PRKCQ: variants seen among roughly 807,000 people sequenced by gnomAD.
PRKCQ encodes protein kinase C theta.
In PRKCQ, 41 loss-of-function variants were observed where a neutral mutation model predicts 91.2. That is an observed-to-expected ratio of 0.45 (90% CI 0.35 to 0.58). The LOEUF is 0.58. Ranked by LOEUF, PRKCQ falls within the 20% of genes least tolerant of loss-of-function variation. The probability of loss-of-function intolerance (pLI) is 0.00; values close to 1 mark genes in which losing one functional copy is unlikely to be tolerated. For missense variants in PRKCQ, 673 were observed against 896.5 expected, an observed-to-expected ratio of 0.75 and a Z score of 3.18; for synonymous variants, 307 against 316.9, an observed-to-expected ratio of 0.97 and a Z score of 0.33.
intron 1 of PRKCQ, among the ~76,000 whole-genome samples, chr10:6,545,927 C>T (rs899305683): frequency 2.6e-5 from 4 of 151,954 alleles, no homozygotes; most frequent in Admixed American, 6.6e-5. Flanking sequence ...TCGCTTGAAC[C>T]CAGGAGGTGG....
chr10:6,556,434 G>GAA (rs919270279), intron 1 of PRKCQ, among the ~76,000 whole-genome samples: 1 of 12,344 alleles, frequency 8.1e-5, no homozygotes, highest in African/African-American at 1.4e-4. Context: ...CCTGTCTTGG[G>GAA]AAAAAAAAAA....
Position 6,526,108 on chromosome 10 carries a change from T to C in PRKCQ, c.-9-10964A>G, listed in dbSNP as rs56023494. 6.6e-3 allele frequency among the ~76,000 whole-genome samples: 1,013 copies of C among 152,362 alleles called. 6 individuals are homozygous for C. Among genetic ancestry groups the C allele is most frequent in the Middle Eastern group, 0.017 (5 of 294 alleles). On this transcript the variant is annotated intron_variant, in intron 1 of 17. Transcript: ENST00000263125. ...CAGCACATAGTAAGCCTTCTATATG[T>C]GTTTATTTTCATTATTTGAAATGCT...
intron 1 of PRKCQ, among the ~76,000 whole-genome samples, chr10:6,568,381 CTT>C (rs1195741842): frequency 3.3e-5 from 5 of 152,088 alleles, no homozygotes; most frequent in African/African-American, 1.2e-4. Flanking sequence ...ATTAAAATCA[CTT>C]ATGAATTTTT....
At chr10:6,489,747 G>A (rs1428356475) in intron 8 of PRKCQ, among the ~76,000 whole-genome samples, 1 of 151,932 alleles carries the variant, frequency 6.6e-6, no homozygotes, top group Non-Finnish European at 1.5e-5. Flanking sequence ...AAAAGGGGAG[G>A]GGAGCACTTG....
chr10:6,485,954 C>G (rs1836892276), intron 9 of PRKCQ, 81 bp downstream of exon 9: 5 of 1,270,916 alleles, frequency 3.9e-6, no homozygotes, highest in Non-Finnish European at 5.7e-6. Context: ...CATAGGGCTG[C>G]CACAGGTGAA....
intron 1 of PRKCQ, among the ~76,000 whole-genome samples, chr10:6,545,133 T>C (rs1422192386): frequency 6.6e-6 from 1 of 152,240 alleles, no homozygotes; most frequent in Non-Finnish European, 1.5e-5. Context: ...TATTAATTAC[T>C]GAGCACTCAC....
intron 16 of PRKCQ, among the ~76,000 whole-genome samples, chr10:6,434,851 T>C (rs1265451829): frequency 6.6e-6 from 1 of 152,210 alleles, no homozygotes; most frequent in Non-Finnish European, 1.5e-5. Flanking sequence ...ATATCATTAG[T>C]TTCCCATCAT....
chr10:6,546,361 G>A (rs184138914), intron 1 of PRKCQ, among the ~76,000 whole-genome samples: 1 of 152,288 alleles, frequency 6.6e-6, no homozygotes, highest in Admixed American at 6.5e-5. Flanking sequence ...GTGCCCCTTG[G>A]GGTAGAGCAA....
At chr10:6,501,540 G>A (rs568176207) in intron 4 of PRKCQ, among the ~76,000 whole-genome samples, 4 of 151,968 alleles carry the variant, frequency 2.6e-5, no homozygotes, top group African/African-American at 9.7e-5. Context: ...ACAGGGTCTC[G>A]GCTGGGCGTG....
At chr10:6,530,610 GA>G (rs1353024129) in intron 1 of PRKCQ, among the ~76,000 whole-genome samples, 2 of 152,220 alleles carry the variant, frequency 1.3e-5, no homozygotes, top group African/African-American at 4.8e-5. Context: ...GGAAGAGAAA[GA>G]AAGTGCAGAA....
intron 4 of PRKCQ, among the ~76,000 whole-genome samples, chr10:6,499,629 C>CTTTTTGAAAAAATAATT: frequency 6.6e-6 from 1 of 152,226 alleles, no homozygotes; most frequent in African/African-American, 2.4e-5. Flanking sequence ...TTTGTAATAG[C>CTTTTTGAAAAAATAATT]TTGAAGACTC....
At chr10:6,454,685 A>T (rs1834912727) in intron 15 of PRKCQ, among the ~76,000 whole-genome samples, 1 of 151,962 alleles carries the variant, frequency 6.6e-6, no homozygotes, top group Non-Finnish European at 1.5e-5. Flanking sequence ...TCTTTGAAGG[A>T]CTCATGCATT....
At chr10:6,502,806 G>A (rs536827449) in intron 4 of PRKCQ, among the ~76,000 whole-genome samples, 4 of 152,316 alleles carry the variant, frequency 2.6e-5, no homozygotes, top group East Asian at 3.9e-4. Context: ...TTTGTGGAGT[G>A]AGTTATTATA....
intron 1 of PRKCQ, among the ~76,000 whole-genome samples, chr10:6,516,245 C>A (rs1838747490): frequency 6.6e-6 from 1 of 152,160 alleles, no homozygotes; most frequent in Non-Finnish European, 1.5e-5. Flanking sequence ...AAAGGGATCT[C>A]CAGTATGCTA....
At chr10:6,461,716 CT>C (rs1835361169) in intron 14 of PRKCQ, among the ~76,000 whole-genome samples, 1 of 152,202 alleles carries the variant, frequency 6.6e-6, no homozygotes, top group African/African-American at 2.4e-5. Flanking sequence ...TCACTAGATC[CT>C]TTCTTTTTTT....
the PRKCQ span, among the ~76,000 whole-genome samples, chr10:6,419,185 A>C: frequency 6.2e-5 from 9 of 144,540 alleles, no homozygotes; most frequent in Non-Finnish European, 1.0e-4. Flanking sequence ...ACTTCTGTCT[A>C]TCTCTCTATC....
intron 1 of PRKCQ, among the ~76,000 whole-genome samples, chr10:6,560,557 C>T (rs914189998): frequency 2.6e-5 from 4 of 152,154 alleles, no homozygotes; most frequent in Admixed American, 6.5e-5. Context: ...TAGTGTTTCA[C>T]GGATATGCTG....
the PRKCQ span, among the ~76,000 whole-genome samples, chr10:6,400,384 A>G: frequency 6.6e-6 from 1 of 152,226 alleles, no homozygotes; most frequent in African/African-American, 2.4e-5. Context: ...CAGGTGGTCC[A>G]TACACATTTG....
chr10:6,411,050 G>C, the PRKCQ span, among the ~76,000 whole-genome samples: 1 of 150,798 alleles, frequency 6.6e-6, no homozygotes, highest in Non-Finnish European at 1.5e-5. Context: ...CGGACGATTA[G>C]AGCTAGCACG....
Sources: gnomAD v4.1 joint callset for allele counts (sites outside exome capture counted in the v4.1 genomes callset) on GRCh38, gnomAD v4.1.1 for gene constraint, MANE v1.5 for transcripts, NCBI Gene and HGNC (gene_info 2026-07-23, HGNC 2026-07-21) for gene names.